The following CPED1 variants were observed in gnomAD, a reference collection of about 807,000 sequenced individuals.
CPED1 encodes the protein cadherin like and PC-esterase domain containing 1, also known as cadherin-like and PC-esterase domain-containing protein 1.
CPED1 carries 114 observed loss-of-function variants against 128.2 expected under a neutral mutation model. The ratio of observed to expected loss-of-function variants is 0.89; its 90% CI spans 0.76 to 1.04. CPED1 has a LOEUF of 1.04. Among genes scored for constraint, CPED1 ranks in the 50% least tolerant of loss-of-function variants. CPED1 has a pLI of 0.00. For missense variants in CPED1, 1,211 were observed against 1,207.1 expected (o/e 1.00, Z -0.05); for synonymous variants, 462 against 426.7 (o/e 1.08, Z -1.02).
chr7:121,114,779 TA>T (rs1325566109), intron 7 of CPED1, among the ~76,000 whole-genome samples: 2 of 152,254 alleles, frequency 1.3e-5, no homozygotes, highest in African/African-American at 4.8e-5. Context: ...AATTCTTTTT[TA>T]TTTTTTAAAA....
chr7:121,151,566 T>C (rs187822029), intron 16 of CPED1, among the ~76,000 whole-genome samples: 4 of 152,362 alleles, frequency 2.6e-5, no homozygotes, highest in Admixed American at 2.0e-4. Context: ...ACAATTGATA[T>C]AATTCTCAAA....
chr7:121,064,271 T>C lies in CPED1; in HGVS notation c.574T>C (p.Cys192Arg). The C allele has an allele frequency of 3.7e-6, 6 of 1,612,814 alleles. No individual in the cohort carries two copies. The highest frequency in any genetic ancestry group is 5.1e-6 in the Non-Finnish European group (6 of 1,178,772). Reference sequence around the variant, plus strand: ...ATTACCAGAAATACAGCAGCCACTTTGCAGAAAGGAAGGATTATGTCAAAT... The same window carrying C: ...ATTACCAGAAATACAGCAGCCACTTCGCAGAAAGGAAGGATTATGTCAAAT... The part of the protein sequence containing the change: ...NRLPEIQQPL[C>R]RKEGLCQIVR... The change falls in exon 5 of 23, where the codon TGC becomes CGC. Residue 192 changes from cysteine to arginine, a missense_variant. By Grantham distance (180) the Cys-to-Arg change is radical (BLOSUM62 -3). Coordinates refer to ENST00000310396, the MANE Select transcript of CPED1 (RefSeq NM_024913.5).
At chr7:121,283,379 C>G (rs933006445) in intron 22 of CPED1, among the ~76,000 whole-genome samples, 8 of 152,156 alleles carry the variant, frequency 5.3e-5, no homozygotes, top group African/African-American at 1.9e-4. Context: ...TTCTAGAAAG[C>G]TATCTACAAA....
At chr7:121,005,357 C>A (rs1167055169) in intron 2 of CPED1, among the ~76,000 whole-genome samples, 1 of 152,134 alleles carries the variant, frequency 6.6e-6, no homozygotes, top group African/African-American at 2.4e-5. Flanking sequence ...GGTTCCAAGT[C>A]TTTGCTATTG....
At chr7:121,071,403 CAG>C (rs1203304963) in intron 5 of CPED1, among the ~76,000 whole-genome samples, 1 of 152,044 alleles carries the variant, frequency 6.6e-6, no homozygotes, top group African/African-American at 2.4e-5. Context: ...CCTCACAAAA[CAG>C]AAATTTTGCT....
intron 13 of CPED1, 85 bp downstream of exon 13, chr7:121,133,978 G>A (rs1795731934): frequency 1.4e-6 from 1 of 715,290 alleles, no homozygotes; most frequent in Non-Finnish European, 2.3e-6. Context: ...AGCTTCATTA[G>A]CAATCAAAAA....
intron 17 of CPED1, among the ~76,000 whole-genome samples, chr7:121,241,881 G>T (rs1026607625): frequency 3.3e-5 from 5 of 152,148 alleles, no homozygotes; most frequent in Non-Finnish European, 5.9e-5. Context: ...AAAAGATTAA[G>T]TAATTTGTCT....
intron 16 of CPED1, among the ~76,000 whole-genome samples, chr7:121,144,606 T>C (rs1476867794): frequency 6.6e-6 from 1 of 151,964 alleles, no homozygotes; most frequent in Non-Finnish European, 1.5e-5. Context: ...TAAGGTCTAA[T>C]GTTCAATAGT....
At chr7:121,192,180 T>C (rs1421933880) in intron 16 of CPED1, among the ~76,000 whole-genome samples, 1 of 152,106 alleles carries the variant, frequency 6.6e-6, no homozygotes, top group Non-Finnish European at 1.5e-5. Context: ...CATCTTATTC[T>C]TTCACCATTT....
chr7:121,004,779 A>G (rs1791963305), intron 2 of CPED1, among the ~76,000 whole-genome samples: 1 of 152,188 alleles, frequency 6.6e-6, no homozygotes, highest in African/African-American at 2.4e-5. Context: ...ATAAACAGAG[A>G]ATGTAATGTT....
At chr7:121,122,820 T>G (rs991288056) in intron 7 of CPED1, among the ~76,000 whole-genome samples, 2 of 152,204 alleles carry the variant, frequency 1.3e-5, no homozygotes, top group African/African-American at 4.8e-5. Flanking sequence ...AGTGCAACCC[T>G]AAGACATTAA....
intron 19 of CPED1, 72 bp downstream of exon 19, chr7:121,266,519 C>T: frequency 1.5e-6 from 2 of 1,291,862 alleles, no homozygotes; most frequent in South Asian, 1.2e-5. Flanking sequence ...CGTCACTGCT[C>T]AACTACTCAC....
intron 5 of CPED1, among the ~76,000 whole-genome samples, chr7:121,074,129 T>C (rs1051026934): frequency 7.2e-5 from 11 of 152,026 alleles, no homozygotes; most frequent in Admixed American, 4.6e-4. Flanking sequence ...ATTAGAGACA[T>C]TGTGTTTGAG....
At chr7:121,292,145 C>G (rs1050127503) in intron 22 of CPED1, among the ~76,000 whole-genome samples, 1 of 151,968 alleles carries the variant, frequency 6.6e-6, no homozygotes, top group Non-Finnish European at 1.5e-5. Flanking sequence ...TTCAGGTACA[C>G]CAATCAAATG....
intron 16 of CPED1, among the ~76,000 whole-genome samples, chr7:121,221,968 C>A (rs111519039): frequency 6.6e-6 from 1 of 152,204 alleles, no homozygotes; most frequent in African/African-American, 2.4e-5. Context: ...AATTAGATCC[C>A]ATCTGTCTAT....
At chr7:121,130,617 T>A (rs2116334732) in intron 12 of CPED1, among the ~76,000 whole-genome samples, 1 of 152,200 alleles carries the variant, frequency 6.6e-6, no homozygotes, top group East Asian at 1.9e-4. Context: ...CAGAAGTAAT[T>A]AGATGAGATG....
intron 3 of CPED1, among the ~76,000 whole-genome samples, chr7:121,029,855 A>T (rs1162735853): frequency 6.6e-6 from 1 of 152,166 alleles, no homozygotes; most frequent in East Asian, 1.9e-4. Context: ...TAAAATGATC[A>T]ATGTCCAGGT....
chr7:121,284,120 G>C (rs1792515446), intron 22 of CPED1, among the ~76,000 whole-genome samples: 1 of 152,136 alleles, frequency 6.6e-6, no homozygotes, highest in Non-Finnish European at 1.5e-5. Flanking sequence ...CTGGCAAAAG[G>C]GGAAGGAAAC....
At chr7:121,088,002 T>G (rs1052599188) in intron 5 of CPED1, among the ~76,000 whole-genome samples, 1 of 152,136 alleles carries the variant, frequency 6.6e-6, no homozygotes, top group African/African-American at 2.4e-5. Context: ...ACTTCCCTAA[T>G]ATATTGAAAA....
Sources: gnomAD v4.1 joint callset for allele counts (sites outside exome capture counted in the v4.1 genomes callset) on GRCh38, gnomAD v4.1.1 for gene constraint, MANE v1.5 for transcripts, NCBI Gene and HGNC (gene_info 2026-07-23, HGNC 2026-07-21) for gene names.